The following CRISP1 variants were observed in gnomAD, a reference collection of about 807,000 sequenced individuals.
CRISP1 encodes cysteine rich secretory protein 1.
Under a neutral mutation model 33.1 loss-of-function variants are expected in CRISP1, and 44 were observed. The ratio of observed to expected loss-of-function variants is 1.33; its 90% CI spans 1.05 to 1.71. The LOEUF is 1.71. Among genes scored for constraint, CRISP1 ranks in the 40% most tolerant of loss-of-function variants. The pLI, the probability that CRISP1 is intolerant of heterozygous loss-of-function variation, is 0.00. For synonymous variants in CRISP1, 103 were observed against 98.7 expected, an observed-to-expected ratio of 1.04 and a Z score of -0.26; for missense variants, 390 against 301.2, an observed-to-expected ratio of 1.29 and a Z score of -2.18.
At chr6:49,853,335 A>G (rs1427260520) in intron 2 of CRISP1, among the ~76,000 whole-genome samples, 6 of 152,054 alleles carry the variant, frequency 3.9e-5, no homozygotes, top group Admixed American at 3.9e-4. Flanking sequence ...ACATCCTATC[A>G]TGGATTTTTT....
intron 2 of CRISP1, 89 bp from the exon 3 acceptor site, chr6:49,852,218 A>G: frequency 3.4e-6 from 4 of 1,181,594 alleles, no homozygotes; most frequent in Non-Finnish European, 4.8e-6. Context: ...ATGCAAATTT[A>G]TAGTTTATAT....
In CRISP1 at chr6:49,857,212, A is replaced by G. The variant is rs1000133029; in HGVS notation, c.66+123T>C. On this transcript the variant is annotated intron_variant, in intron 2 of 7. Coordinates refer to ENST00000335847, the MANE Select transcript of CRISP1 (RefSeq NM_001131.3). The stretch of plus-strand genomic sequence containing the variant: ...TACTTGCCTAACAGGGCTATTGTGA[A>G]AACAAAGTGAGTAATGGGTGTAGTG... 7.0e-6 allele frequency: 6 copies of G among 856,748 alleles called. No homozygotes were observed. The Admixed American group carries it at 1.6e-4, about 23-fold the overall frequency. The allele number at this position is 856,748 out of a possible 1,614,324, so 53.1% of individuals were successfully genotyped here.
At chr6:49,861,384 A>G (rs948447984) in intron 1 of CRISP1, among the ~76,000 whole-genome samples, 7 of 152,192 alleles carry the variant, frequency 4.6e-5, no homozygotes, top group Non-Finnish European at 5.9e-5. Flanking sequence ...CATGTAAGAT[A>G]TAATGCACCA....
chr6:49,862,618 C>T (rs1019929019), intron 1 of CRISP1, among the ~76,000 whole-genome samples: 4 of 152,100 alleles, frequency 2.6e-5, no homozygotes, highest in East Asian at 3.9e-4. Context: ...ATGGGATAAT[C>T]GGTATCACCT....
In CRISP1 at chr6:49,873,401, A is replaced by C. The variant is rs535393908; in HGVS notation, c.-3+3608T>G. 2.4e-4 allele frequency among the ~76,000 whole-genome samples: 37 copies of C among 152,128 alleles called. No individual in the cohort carries two copies. The South Asian group carries it at 5.6e-3, about 23-fold the overall frequency. On this transcript the variant is annotated intron_variant, in intron 1 of 7. Transcript: ENST00000505118. ...TTTGATTAATGATTAAATATTATGAATCAATATTTAACTTAGTCTTCATAA... is the reference window on the plus strand; with the variant it reads ...TTTGATTAATGATTAAATATTATGACTCAATATTTAACTTAGTCTTCATAA...
At position 49,852,121 on chromosome 6, in the gene CRISP1, T is replaced by C. The variant is rs1160196313; in HGVS notation, c.75A>G (p.Ser25=). The C allele has an allele frequency of 6.2e-7, 1 of 1,608,858 alleles. No homozygotes were observed. Among genetic ancestry groups the C allele is most frequent in the Admixed American group, 1.7e-5 (1 of 58,780 alleles). The change falls in exon 3 of 8, where the codon TCA becomes TCG. Residue 25 remains serine, a synonymous_variant. Transcript: ENST00000335847. ...CGAGCTTATTAAATTGGTCTCTAGC[T>C]GATTTCTTCTGTTACCAGAAAAATA... is the stretch of plus-strand genomic sequence containing the variant. ...LLPMLSMKKK[S]ARDQFNKLVT... is the part of the protein sequence containing the mutation.
chr6:49,838,323 G>T (rs1474517780), intron 7 of CRISP1, 114 bp downstream of exon 7: 2 of 752,624 alleles, frequency 2.7e-6, no homozygotes, highest in Non-Finnish European at 2.2e-6. Context: ...ATTTGTACAT[G>T]AATGAGATGA....
At chr6:49,845,069 T>G (rs1368664079) in intron 5 of CRISP1, among the ~76,000 whole-genome samples, 2 of 152,174 alleles carry the variant, frequency 1.3e-5, no homozygotes, top group Non-Finnish European at 2.9e-5. Flanking sequence ...TACAATGTTA[T>G]GAGCTGAATT....
At chr6:49,852,322 G>T (rs1161680852) in intron 2 of CRISP1, among the ~76,000 whole-genome samples, 193 bp from the exon 3 acceptor site, 5 of 152,092 alleles carry the variant, frequency 3.3e-5, no homozygotes. Context: ...CTCAACGTCA[G>T]GCTGACATCA....
In CRISP1 at chr6:49,862,857, T is replaced by G. The variant is rs192054258; in HGVS notation, c.-3+3572A>C. 1.6e-3 allele frequency among the ~76,000 whole-genome samples: 243 copies of G among 152,126 alleles called. 2 individuals are homozygous for G. The highest frequency in any genetic ancestry group is 5.3e-3 in the African/African-American group (221 of 41,536). ...ACAAAACTGGAGGGTCATTTTTTTT[T>G]GCTTGAGGTCTAAAATAGTCACTTG... On this transcript the variant is annotated intron_variant, in intron 1 of 7. Transcript: ENST00000335847.
At chr6:49,862,125 C>A (rs957021617) in intron 1 of CRISP1, among the ~76,000 whole-genome samples, 1 of 152,050 alleles carries the variant, frequency 6.6e-6, no homozygotes, top group African/African-American at 2.4e-5. Context: ...TCACTCTTTG[C>A]AGATGATATG....
intron 2 of CRISP1, among the ~76,000 whole-genome samples, chr6:49,852,565 G>T (rs1376338802): frequency 2.0e-5 from 3 of 152,046 alleles, no homozygotes; most frequent in Non-Finnish European, 2.9e-5. Flanking sequence ...TTGTGTAGAG[G>T]TGTGTGTCTG....
intron 6 of CRISP1, among the ~76,000 whole-genome samples, chr6:49,839,023 T>C (rs1770896198): frequency 6.6e-6 from 1 of 152,252 alleles, no homozygotes; most frequent in Middle Eastern, 3.4e-3. Context: ...TAATGTCTTT[T>C]ATTGAAAGAG....
chr6:49,852,818 T>C (rs1307739197), intron 2 of CRISP1, among the ~76,000 whole-genome samples: 1 of 151,674 alleles, frequency 6.6e-6, no homozygotes, highest in East Asian at 1.9e-4. Context: ...AGTATTTAGG[T>C]TAGCATTAAT....
intron 1 of CRISP1, among the ~76,000 whole-genome samples, chr6:49,863,061 G>A (rs1224165487): frequency 6.6e-6 from 1 of 152,132 alleles, no homozygotes; most frequent in Non-Finnish European, 1.5e-5. Context: ...TCAAAATCAG[G>A]TAAAGCCGAA....
chr6:49,840,786 C>G (rs1297214820), intron 6 of CRISP1, 112 bp downstream of exon 6: 7 of 732,004 alleles, frequency 9.6e-6, no homozygotes, highest in Non-Finnish European at 1.6e-5. Flanking sequence ...CAGCTCTTGT[C>G]TATTATGAAT....
chr6:49,863,579 C>A (rs1771713853), intron 1 of CRISP1, among the ~76,000 whole-genome samples: 1 of 152,124 alleles, frequency 6.6e-6, no homozygotes, highest in Non-Finnish European at 1.5e-5. Context: ...TATTTCTTTA[C>A]CCTTTAGTTT....
chr6:49,874,578 AAAT>A (rs1771993435), intron 1 of CRISP1, among the ~76,000 whole-genome samples: 1 of 151,986 alleles, frequency 6.6e-6, no homozygotes, highest in Non-Finnish European at 1.5e-5. Context: ...CTGATACCAA[AAAT>A]TTGGTAGAGA....
chr6:49,848,327 TG>T, intron 3 of CRISP1, 28 bp from the exon 4 acceptor site: 1 of 1,313,182 alleles, frequency 7.6e-7, no homozygotes. Context: ...AAAAAGCACA[TG>T]TTCCAATTAA....
Sources: gnomAD v4.1 joint callset for allele counts (sites outside exome capture counted in the v4.1 genomes callset) on GRCh38, gnomAD v4.1.1 for gene constraint, MANE v1.5 for transcripts, NCBI Gene and HGNC (gene_info 2026-07-23, HGNC 2026-07-21) for gene names.